Variants in GRID2 observed in about 807,000 individuals in gnomAD.
The protein encoded by GRID2 is glutamate receptor ionotropic, delta-2.
A neutral mutation model predicts 114.8 loss-of-function variants in GRID2; 33 were observed. The observed-to-expected ratio is 0.29, with a 90% CI of 0.22 to 0.38. GRID2 has a LOEUF of 0.38. Ranked by LOEUF, GRID2 falls within the 10% of genes least tolerant of loss-of-function variation. The pLI, the probability that GRID2 is intolerant of heterozygous loss-of-function variation, is 1.00. For missense variants in GRID2, 1,184 were observed against 1,257.7 expected, an observed-to-expected ratio of 0.94 and a Z score of 0.89; for synonymous variants, 505 against 449.9, an observed-to-expected ratio of 1.12 and a Z score of -1.55.
intron 8 of GRID2, among the ~76,000 whole-genome samples, chr4:93,307,063 G>A (rs1232201776): frequency 1.3e-5 from 2 of 152,058 alleles, no homozygotes; most frequent in Non-Finnish European, 2.9e-5. Context: ...GGGCATGGTG[G>A]TGTGTGCCTG....
intron 1 of GRID2, among the ~76,000 whole-genome samples, chr4:92,586,395 T>TACAC (rs1308218018): frequency 8.8e-6 from 1 of 114,180 alleles, no homozygotes; most frequent in Non-Finnish European, 1.9e-5. Context: ...CACACACACA[T>TACAC]ACACACACAC....
intron 2 of GRID2, among the ~76,000 whole-genome samples, chr4:92,729,550 A>T (rs1736230270): frequency 6.6e-6 from 1 of 152,018 alleles, no homozygotes; most frequent in Non-Finnish European, 1.5e-5. Context: ...TTCCTGAAGC[A>T]TTTCTTGTAC....
At chr4:93,335,177 C>T (rs2149236796) in intron 8 of GRID2, among the ~76,000 whole-genome samples, 1 of 152,200 alleles carries the variant, frequency 6.6e-6, no homozygotes, top group Middle Eastern at 3.4e-3. Context: ...TAGCAATACC[C>T]ATAATTTAAA....
At chr4:92,387,792 T>C (rs1276525260) in intron 1 of GRID2, among the ~76,000 whole-genome samples, 1 of 152,026 alleles carries the variant, frequency 6.6e-6, no homozygotes, top group East Asian at 1.9e-4. Context: ...TGTTATCTGT[T>C]TTAAAGTCTG....
chr4:92,895,354 A>T (rs977501767), intron 2 of GRID2, among the ~76,000 whole-genome samples: 2 of 137,316 alleles, frequency 1.5e-5, no homozygotes, highest in Non-Finnish European at 3.1e-5. Flanking sequence ...CAAAACCCAA[A>T]GAGCTTGAAT....
chr4:93,574,762 A>G (rs1352338468), intron 13 of GRID2, among the ~76,000 whole-genome samples: 2 of 152,208 alleles, frequency 1.3e-5, no homozygotes, highest in African/African-American at 4.8e-5. Flanking sequence ...AAGTAAGATA[A>G]CGAATAAAAG....
At chr4:93,507,788 T>A (rs1728768657) in intron 12 of GRID2, among the ~76,000 whole-genome samples, 2 of 152,218 alleles carry the variant, frequency 1.3e-5, no homozygotes, top group Non-Finnish European at 2.9e-5. Context: ...AAATACGTTT[T>A]TTGGTCCTAA....
intron 2 of GRID2, among the ~76,000 whole-genome samples, chr4:92,616,400 A>C (rs1479819570): frequency 1.3e-5 from 2 of 151,014 alleles, no homozygotes; most frequent in Non-Finnish European, 3.0e-5. Context: ...TGTTTCCTTT[A>C]AGTTTTTTTC....
At chr4:92,699,585 C>T (rs529129565) in intron 2 of GRID2, among the ~76,000 whole-genome samples, 1 of 152,184 alleles carries the variant, frequency 6.6e-6, no homozygotes, top group Non-Finnish European at 1.5e-5. Flanking sequence ...TAGATGCTTT[C>T]ATTAGTAAAC....
intron 2 of GRID2, among the ~76,000 whole-genome samples, chr4:92,878,050 G>A (rs1016214677): frequency 1.2e-4 from 18 of 152,004 alleles, no homozygotes; most frequent in South Asian, 2.1e-4. Flanking sequence ...TTCAGAAATC[G>A]GAGGATAAAA....
intron 2 of GRID2, among the ~76,000 whole-genome samples, chr4:93,006,303 G>C (rs1373196975): frequency 6.6e-6 from 1 of 152,096 alleles, no homozygotes; most frequent in Non-Finnish European, 1.5e-5. Flanking sequence ...GACAGAGACT[G>C]TGCATCAGGA....
At chr4:92,889,262 G>T (rs1746577351) in intron 2 of GRID2, among the ~76,000 whole-genome samples, 1 of 152,112 alleles carries the variant, frequency 6.6e-6, no homozygotes, top group East Asian at 1.9e-4. Flanking sequence ...AGAAGTTCTG[G>T]CCAGGGCAAT....
intron 8 of GRID2, among the ~76,000 whole-genome samples, chr4:93,265,864 T>C (rs559967832): frequency 6.6e-6 from 1 of 152,288 alleles, no homozygotes; most frequent in African/African-American, 2.4e-5. Context: ...TAGTACCCCA[T>C]CATTTCTTGT....
intron 4 of GRID2, among the ~76,000 whole-genome samples, chr4:93,161,898 AT>A (rs1410474558): frequency 1.5e-4 from 23 of 151,776 alleles, no homozygotes; most frequent in African/African-American, 5.5e-4. Context: ...GTTATTTCTA[AT>A]TTTTTATCTC....
chr4:92,723,332 C>G (rs1390712242), intron 2 of GRID2, among the ~76,000 whole-genome samples: 1 of 152,072 alleles, frequency 6.6e-6, no homozygotes, highest in Non-Finnish European at 1.5e-5. Context: ...CTTGCACCAG[C>G]CACACTTTAA....
intron 7 of GRID2, among the ~76,000 whole-genome samples, chr4:93,235,072 T>C (rs1206922450): frequency 6.6e-6 from 1 of 152,074 alleles, no homozygotes; most frequent in Non-Finnish European, 1.5e-5. Flanking sequence ...CCCCAACTTT[T>C]CCTAGCCATA....
At chr4:92,544,029 A>G (rs1426337117) in intron 1 of GRID2, among the ~76,000 whole-genome samples, 1 of 152,080 alleles carries the variant, frequency 6.6e-6, no homozygotes, top group Non-Finnish European at 1.5e-5. Context: ...AAAATTGCCA[A>G]ATACTAGTCA....
rs528740420 is a variant in GRID2 at position 93,528,009 on chromosome 4, G to A, written c.2193+12598G>A. On this transcript the variant is annotated intron_variant, in intron 13 of 15. Transcript: ENST00000282020. ...CTTCACTTAGCATAATGTCCTCTAG[G>A]TTCATCTACATTGCAGCATGTGTCA... Among the ~76,000 whole-genome samples, 43 of 151,850 alleles carry A rather than the reference G, an allele frequency of 2.8e-4. No homozygotes were observed. In the East Asian group the frequency reaches 7.7e-3, roughly 27 times the overall value.
Position 93,671,182 on chromosome 4 carries a change from G to C in GRID2, c.2360+44747G>C, listed in dbSNP as rs141965163. Among the ~76,000 whole-genome samples, 10 of 152,300 alleles carry C rather than the reference G, an allele frequency of 6.6e-5. No homozygotes were observed. In the East Asian group the frequency reaches 1.9e-3, roughly 29 times the overall value. ...TCAGAGTGCCTCGTCATGTTTCGCT[G>C]TGGCAGAAAGCACTCTGAGCAGAGT... is the stretch of plus-strand genomic sequence containing the variant. On this transcript the variant is annotated intron_variant, in intron 14 of 15. Transcript: ENST00000282020.
Sources: gnomAD v4.1 joint callset for allele counts (sites outside exome capture counted in the v4.1 genomes callset) on GRCh38, gnomAD v4.1.1 for gene constraint, MANE v1.5 for transcripts, NCBI Gene and HGNC (gene_info 2026-07-23, HGNC 2026-07-21) for gene names.